Variants in ARSF observed in about 807,000 individuals in gnomAD.
ARSF encodes the protein arylsulfatase F.
In ARSF, 33 loss-of-function variants were observed where a neutral mutation model predicts 35.4. The ratio of observed to expected loss-of-function variants is 0.93; its 90% CI spans 0.71 to 1.25. The LOEUF is 1.25. ARSF is among the 50% of genes most tolerant of loss of function. The probability of loss-of-function intolerance (pLI) is 0.00; values close to 1 mark genes in which losing one functional copy is unlikely to be tolerated. For missense variants in ARSF, 501 were observed against 480.2 expected (o/e 1.04, Z -0.40); for synonymous variants, 222 against 193.1 (o/e 1.15, Z -1.24).
At chrX:3,093,069 G>A (rs1239284582) in intron 7 of ARSF, among the ~76,000 whole-genome samples, 1 of 110,444 alleles carries the variant, frequency 9.1e-6, no homozygotes, top group Non-Finnish European at 1.9e-5. Flanking sequence ...GGGAGGCTGA[G>A]GCAGGAGAAT....
At chrX:3,111,114 G>A (rs1371352849) in intron 10 of ARSF, among the ~76,000 whole-genome samples, 14 of 108,916 alleles carry the variant, frequency 1.3e-4, no homozygotes, top group Non-Finnish European at 2.3e-4. Context: ...TTGGGTGCAT[G>A]CCTCTGATGT....
At chrX:3,040,475 A>G (rs774842054), upstream of ARSF, among the ~76,000 whole-genome samples, 5 of 111,414 alleles carry the variant, frequency 4.5e-5, no homozygotes, top group South Asian at 1.9e-3. Flanking sequence ...TTGGTGGTGC[A>G]TTCTAAATGG....
chrX:3,104,264 T>C (rs1175715818), intron 9 of ARSF, among the ~76,000 whole-genome samples: 1 of 111,188 alleles, frequency 9.0e-6, no homozygotes, highest in Non-Finnish European at 1.9e-5. Flanking sequence ...TCTATCTTCC[T>C]AAGATTCACT....
At chrX:3,072,213 C>A in intron 3 of ARSF, 38 bp downstream of exon 3, 3 of 1,186,216 alleles carry the variant, frequency 2.5e-6, no homozygotes, top group Non-Finnish European at 3.4e-6. Flanking sequence ...GTTCGTCAGT[C>A]GTTCAGGTTC....
chrX:3,087,682 C>T (rs1315597399), intron 6 of ARSF, among the ~76,000 whole-genome samples: 2 of 111,952 alleles, frequency 1.8e-5, no homozygotes, highest in Non-Finnish European at 3.8e-5. Flanking sequence ...CTTCTGGAGG[C>T]TCTAGGGGAG....
chrX:3,042,912 T>A (rs1368172715), intron 1 of ARSF, among the ~76,000 whole-genome samples: 1 of 110,855 alleles, frequency 9.0e-6, no homozygotes, highest in East Asian at 2.9e-4. Flanking sequence ...ATCCCAGCAC[T>A]TTGGGAGGCT....
intron 7 of ARSF, among the ~76,000 whole-genome samples, chrX:3,094,072 A>G (rs2090322506): frequency 8.9e-6 from 1 of 111,854 alleles, no homozygotes; most frequent in African/African-American, 3.2e-5. Flanking sequence ...GGTATAATAA[A>G]CACTTTTAAA....
chrX:3,072,183 G>A lies in ARSF; in HGVS notation c.161+8G>A, dbSNP rs1049662304. On this transcript the variant is annotated splice_region_variant and intron_variant, in intron 3 of 10. Coordinates refer to ENST00000381127, the MANE Select transcript of ARSF (RefSeq NM_001201539.2). ...CGGCAATGACACCATGAGGTAAGGC[G>A]GTTTCATGGCCAGTCATACGTTCGT... The A allele has an allele frequency of 1.8e-5, 22 of 1,204,272 alleles. No individual in the cohort carries two copies. The highest frequency in any genetic ancestry group is 7.0e-5 in the African/African-American group (4 of 57,028).
rs148420411 is a variant in ARSF at position 3,060,895 on chromosome X, A to G, written c.-28-7178A>G. Reference sequence around the variant, plus strand: ...ACCAAGTTGGAAAACACTCATCAGGATATTATCCAGGAGAACTTCCCCAAC... The same window carrying G: ...ACCAAGTTGGAAAACACTCATCAGGGTATTATCCAGGAGAACTTCCCCAAC... On this transcript the variant is annotated intron_variant, in intron 1 of 10. Coordinates refer to ENST00000381127, the MANE Select transcript of ARSF (RefSeq NM_001201539.2). 9.4e-3 allele frequency among the ~76,000 whole-genome samples: 1,057 copies of G among 112,048 alleles called. 16 individuals carry two copies. Among genetic ancestry groups the G allele is most frequent in the African/African-American group, 0.033 (1,004 of 30,841 alleles).
At chrX:3,048,651 T>C (rs1194367527) in intron 1 of ARSF, among the ~76,000 whole-genome samples, 1 of 112,126 alleles carries the variant, frequency 8.9e-6, no homozygotes, top group Non-Finnish European at 1.9e-5. Flanking sequence ...CTAAAATATA[T>C]AAAAGCAAGC....
chrX:3,046,470 G>C (rs1349269055), intron 1 of ARSF, among the ~76,000 whole-genome samples: 2 of 111,882 alleles, frequency 1.8e-5, no homozygotes, highest in African/African-American at 6.5e-5. Context: ...TCCTCTATCA[G>C]TAAGGAGATG....
intron 1 of ARSF, among the ~76,000 whole-genome samples, chrX:3,061,726 G>C (rs962862239): frequency 9.0e-6 from 1 of 111,671 alleles, no homozygotes; most frequent in Non-Finnish European, 1.9e-5. Context: ...TAATGGTAAA[G>C]GGATCAATTC....
chrX:3,044,817 G>T (rs1433023872), intron 1 of ARSF, among the ~76,000 whole-genome samples: 1 of 109,279 alleles, frequency 9.2e-6, no homozygotes, highest in Non-Finnish European at 1.9e-5. Flanking sequence ...CACAGGATAG[G>T]GGGCAGGGCA....
intron 6 of ARSF, 111 bp downstream of exon 6, chrX:3,084,777 C>G: frequency 2.7e-6 from 2 of 748,493 alleles, no homozygotes; most frequent in Non-Finnish European, 3.6e-6. Context: ...TTGTACACTT[C>G]TAAATAGCTA....
chrX:3,097,002 T>A (rs752556660), intron 7 of ARSF, among the ~76,000 whole-genome samples: 15 of 110,754 alleles, frequency 1.4e-4, no homozygotes, highest in African/African-American at 4.6e-4. Context: ...ATGCCAACTG[T>A]CTGAAGTGAG....
At chrX:3,105,487 CAG>C (rs1381748494) in intron 9 of ARSF, among the ~76,000 whole-genome samples, 3 of 111,718 alleles carry the variant, frequency 2.7e-5, no homozygotes, top group Admixed American at 1.9e-4. Flanking sequence ...ATTTTTGAGA[CAG>C]AGTTTCGTTC....
chrX:3,061,166 G>T (rs973244089), intron 1 of ARSF, among the ~76,000 whole-genome samples: 2 of 111,460 alleles, frequency 1.8e-5, no homozygotes, highest in African/African-American at 3.3e-5. Flanking sequence ...TTAAAGAAAA[G>T]AATTTTCAAT....
In ARSF at chrX:3,101,139, C is replaced by T. The variant is rs188056396; in HGVS notation, c.1020C>T (p.Val340=). The T allele has an allele frequency of 8.3e-7, 1 of 1,208,920 alleles. No individual in the cohort carries two copies. Among genetic ancestry groups the T allele is most frequent in the Non-Finnish European group, 1.1e-6 (1 of 894,682 alleles). The change falls in exon 8 of 11, where the codon GTC becomes GTT. Residue 340 remains valine, a synonymous_variant. Coordinates refer to ENST00000381127, the MANE Select transcript of ARSF (RefSeq NM_001201539.2). ...TTGGCCTAAGGAACAACACCCTTGT[C>T]TACTTTACATCAGATCACGGAGGGC... is the stretch of plus-strand genomic sequence containing the variant. ...DDFGLRNNTL[V]YFTSDHGGHL... is the part of the protein sequence containing the mutation.
chrX:3,110,368 G>A (rs1435069758), intron 10 of ARSF, 116 bp downstream of exon 10: 6 of 820,798 alleles, frequency 7.3e-6, no homozygotes, highest in Middle Eastern at 3.5e-4. Flanking sequence ...AGGGCTCACT[G>A]AACACATGGT....
Sources: gnomAD v4.1 joint callset for allele counts (sites outside exome capture counted in the v4.1 genomes callset) on GRCh38, gnomAD v4.1.1 for gene constraint, MANE v1.5 for transcripts, NCBI Gene and HGNC (gene_info 2026-07-23, HGNC 2026-07-21) for gene names.